PCDHGA6: variants seen among roughly 807,000 people sequenced by gnomAD.
The protein encoded by PCDHGA6 is protocadherin gamma subfamily A, 6.
In PCDHGA6, 41 loss-of-function variants were observed where a neutral mutation model predicts 60.6. The ratio of observed to expected loss-of-function variants is 0.68; its 90% CI spans 0.53 to 0.88. PCDHGA6 has a LOEUF of 0.88. Ranked by LOEUF, PCDHGA6 falls within the 40% of genes least tolerant of loss-of-function variation. The pLI, the probability that PCDHGA6 is intolerant of heterozygous loss-of-function variation, is 0.00. For synonymous variants in PCDHGA6, 594 were observed against 524.4 expected (o/e 1.13, Z -1.81); for missense variants, 1,312 against 1,203.0 (o/e 1.09, Z -1.34).
Position 141,374,414 on chromosome 5 carries a change from G to A in PCDHGA6, c.331G>A (p.Glu111Lys). 3 of 1,614,026 alleles carry A rather than the reference G, an allele frequency of 1.9e-6. No individual in the cohort carries two copies. Among genetic ancestry groups the A allele is most frequent in the Non-Finnish European group, 1.7e-6 (2 of 1,179,894 alleles). ...TCTGGTGAGTTTTAACATCCTTGTCGAGGATAAACTGAATCTTTATCCCGT... is the reference window on the plus strand; with the variant it reads ...TCTGGTGAGTTTTAACATCCTTGTCAAGGATAAACTGAATCTTTATCCCGT... ...RCLVSFNILVEDKLNLYPVEV... is the reference protein window; with the variant it reads ...RCLVSFNILVKDKLNLYPVEV... Residue 111 changes from glutamate (E) to lysine (K), a missense_variant, in exon 1 of 4, where the codon GAG (glutamate) becomes AAG (lysine). Physicochemically the swap from Glu to Lys is moderately conservative, Grantham distance 56. Coordinates refer to ENST00000517434, the MANE Select transcript of PCDHGA6 (RefSeq NM_018919.3).
rs115237553 is a variant in PCDHGA6, at chr5:141,476,478, T to A, written c.2425-18329T>A. 1.3e-4 allele frequency: 203 copies of A among 1,613,844 alleles called. 2 individuals are homozygous for A. The African/African-American group carries it at 2.5e-3, about 20-fold the overall frequency. Reference sequence around the variant, plus strand: ...GAGAACCCGCTGGAGCTGTTCAGCGTGGAAGTGGTGATCCAGGACATCAAC... The same window carrying A: ...GAGAACCCGCTGGAGCTGTTCAGCGAGGAAGTGGTGATCCAGGACATCAAC... On this transcript the variant is annotated intron_variant, in intron 1 of 3. Transcript: ENST00000517434. The surrounding 1 kb of genome is among the most constrained non-coding windows in gnomAD (Gnocchi z 7.6).
intron 1 of PCDHGA6, chr5:141,393,343 A>G (rs751102208): frequency 8.1e-6 from 13 of 1,613,914 alleles, no homozygotes; most frequent in Non-Finnish European, 1.1e-5. Context: ...CCCAATCACC[A>G]CTTCTCCCTG....
rs775346091 is a variant in PCDHGA6, at chr5:141,374,656, C to G, written c.573C>G (p.Tyr191Ter). The stretch of plus-strand genomic sequence containing the variant: ...AAAGCGAAGCCCATGGGCCCAAGTA[C>G]CCGGAGCTGGTGCTGGAGGGCACAC... ...DVQSEAHGPK[Y>*]PELVLEGTLD... The change falls in exon 1 of 4, where the codon TAC becomes TAG. Residue 191 changes from tyrosine to a stop codon, truncating the protein, a stop_gained. Transcript: ENST00000517434. LOFTEE classifies it high-confidence loss of function. 6.2e-7 allele frequency: 1 copy of G among 1,612,056 alleles called. No individual in the cohort carries two copies. Among genetic ancestry groups the G allele is most frequent in the Non-Finnish European group, 8.5e-7 (1 of 1,178,984 alleles).
intron 1 of PCDHGA6, among the ~76,000 whole-genome samples, chr5:141,456,778 C>T (rs568292085): frequency 3.7e-4 from 57 of 152,242 alleles, no homozygotes; most frequent in African/African-American, 1.3e-3. Flanking sequence ...GCCTGGCCTA[C>T]ATGGCAAAAC....
chr5:141,427,810 G>T, intron 1 of PCDHGA6: 1 of 1,523,990 alleles, frequency 6.6e-7, no homozygotes, highest in Non-Finnish European at 9.0e-7. Flanking sequence ...AGCGCACAGA[G>T]CGGGGTGGTG....
chr5:141,462,872 AG>A (rs1254807813), intron 1 of PCDHGA6, among the ~76,000 whole-genome samples: 54 of 152,272 alleles, frequency 3.5e-4, no homozygotes, highest in Middle Eastern at 6.8e-3. Flanking sequence ...TCTTTCTTTA[AG>A]AACTATTGCA....
At chr5:141,385,709 A>G (rs2090329249) in intron 1 of PCDHGA6, 1 of 259,144 alleles carries the variant, frequency 3.9e-6, no homozygotes, top group Non-Finnish European at 6.2e-6. Context: ...TAGCATTCAA[A>G]TATGTAAAAG....
intron 1 of PCDHGA6, chr5:141,392,761 A>G (rs1341541753): frequency 1.6e-5 from 24 of 1,476,812 alleles, no homozygotes; most frequent in Non-Finnish European, 2.1e-5. Flanking sequence ...AAACTAAATA[A>G]GACCCATTTA....
intron 2 of PCDHGA6, among the ~76,000 whole-genome samples, chr5:141,500,184 TTTTATTTA>T (rs58019021): frequency 0.099 from 13,469 of 135,812 alleles, 757 homozygotes; most frequent in African/African-American, 0.15. Context: ...TCATTTTTAT[TTTTATTTA>T]TTTATTTATT....
In PCDHGA6 at chr5:141,445,206, A is replaced by G. The variant is rs1244524491; in HGVS notation, c.2425-49601A>G. On this transcript the variant is annotated intron_variant, in intron 1 of 3. Transcript: ENST00000517434. ...TTTTTATGTATTCTATATGCTTTTGAAAAGTAAGAGGTGCAAAGTGCTCTA... is the reference window on the plus strand; with the variant it reads ...TTTTTATGTATTCTATATGCTTTTGGAAAGTAAGAGGTGCAAAGTGCTCTA... 3.3e-5 allele frequency among the ~76,000 whole-genome samples: 5 copies of G among 152,182 alleles called. No individual in the cohort carries two copies. The East Asian group carries it at 7.7e-4, about 23-fold the overall frequency.
chr5:141,432,537 C>T lies in PCDHGA6; in HGVS notation c.2424+56030C>T, dbSNP rs367578838. Reference sequence around the variant, plus strand: ...GGCTACCTGGTGACCAAGGTGGTGGCGGTGGACAGAGACTCCGGCCAGAAC... The same window carrying T: ...GGCTACCTGGTGACCAAGGTGGTGGTGGTGGACAGAGACTCCGGCCAGAAC... On this transcript the variant is annotated intron_variant, in intron 1 of 3. Transcript: ENST00000517434. This position sits in a 1 kb window ranked among gnomAD's most constrained non-coding sequence, Gnocchi z 6.0. The T allele has an allele frequency of 5.6e-6, 9 of 1,613,882 alleles. No homozygotes were observed. The African/African-American group carries it at 6.7e-5, about 12-fold the overall frequency.
intron 1 of PCDHGA6, chr5:141,417,959 C>A (rs759279387): frequency 5.0e-6 from 8 of 1,613,734 alleles, no homozygotes; most frequent in Non-Finnish European, 6.8e-6. Context: ...TGAGCCGATC[C>A]GCTACTCGAT....
intron 1 of PCDHGA6, chr5:141,413,527 G>T (rs768496934): frequency 1.2e-6 from 2 of 1,613,820 alleles, no homozygotes; most frequent in African/African-American, 1.3e-5. Flanking sequence ...GGAAGACAGG[G>T]TGAAACTTTT....
intron 1 of PCDHGA6, chr5:141,427,415 T>G: frequency 2.1e-6 from 1 of 465,414 alleles, no homozygotes; most frequent in Non-Finnish European, 4.3e-6. Context: ...CGAGAGAAAA[T>G]GGGGAGGTTA....
At chr5:141,407,898 A>G in intron 1 of PCDHGA6, 1 of 407,470 alleles carries the variant, frequency 2.5e-6, no homozygotes, top group Non-Finnish European at 4.3e-6. Context: ...CGAATTCAAA[A>G]TGAAAAACCG....
chr5:141,428,186 C>CCGCTCTCTG, intron 1 of PCDHGA6: 2 of 1,460,956 alleles, frequency 1.4e-6, no homozygotes, highest in Non-Finnish European at 1.9e-6. Flanking sequence ...AGGACAGCCG[C>CCGCTCTCTG]CGCTCTCTGC....
chr5:141,462,998 C>A (rs562002585), intron 1 of PCDHGA6, among the ~76,000 whole-genome samples: 3 of 152,190 alleles, frequency 2.0e-5, no homozygotes, highest in Admixed American at 2.0e-4. Context: ...CTAATTTAGA[C>A]CTACCACTTA....
At chr5:141,464,413 A>G (rs2099083422) in intron 1 of PCDHGA6, among the ~76,000 whole-genome samples, 1 of 151,632 alleles carries the variant, frequency 6.6e-6, no homozygotes, top group African/African-American at 2.4e-5. Context: ...ATATATATAT[A>G]TCTATATATA....
chr5:141,411,017 A>T lies in PCDHGA6; in HGVS notation c.2424+34510A>T, dbSNP rs140607036. ...TACTGGTGCCCCTCACCACAGCTAA[A>T]TTTTTTGTATTTTTAGTAGACATGG... On this transcript the variant is annotated intron_variant, in intron 1 of 3. Transcript: ENST00000517434. 3.9e-3 allele frequency: 631 copies of T among 162,486 alleles called. 5 individuals are homozygous for T. Among genetic ancestry groups the T allele is most frequent in the Admixed American group, 0.011 (172 of 16,000 alleles). 10.1% of individuals were successfully genotyped at this position (162,486 alleles called of 1,614,324 possible).
Sources: allele counts gnomAD v4.1 joint callset (sites outside exome capture counted in the v4.1 genomes callset), GRCh38; gene constraint gnomAD v4.1.1; non-coding constraint Gnocchi (gnomAD v3.1); transcripts MANE v1.5; gene names NCBI Gene and HGNC (gene_info 2026-07-23, HGNC 2026-07-21).